ETV6: variants seen among roughly 807,000 people sequenced by gnomAD.
ETV6 encodes ETS variant transcription factor 6, also known as transcription factor ETV6.
ETV6 carries 16 observed loss-of-function variants against 51.1 expected under a neutral mutation model. The ratio of observed to expected loss-of-function variants is 0.31; its 90% CI spans 0.21 to 0.48. The LOEUF is 0.48. Among genes scored for constraint, ETV6 ranks in the 20% least tolerant of loss-of-function variants. The pLI, the probability that ETV6 is intolerant of heterozygous loss-of-function variation, is 0.99. For missense variants in ETV6, 458 were observed against 594.8 expected (o/e 0.77, Z 2.39); for synonymous variants, 240 against 224.1 (o/e 1.07, Z -0.64).
intron 2 of ETV6, among the ~76,000 whole-genome samples, chr12:11,789,936 G>C (rs1945555774): frequency 6.6e-6 from 1 of 152,002 alleles, no homozygotes; most frequent in Non-Finnish European, 1.5e-5. Flanking sequence ...TTTCAATCTG[G>C]ATATTCATTT....
At chr12:11,669,417 C>CCCTTCCTTT in intron 1 of ETV6, among the ~76,000 whole-genome samples, 1 of 146,586 alleles carries the variant, frequency 6.8e-6, no homozygotes, top group African/African-American at 2.5e-5. Flanking sequence ...CTCCCTTCCT[C>CCCTTCCTTT]CTTCCTTTCT....
intron 2 of ETV6, among the ~76,000 whole-genome samples, chr12:11,818,014 C>T (rs369024896): frequency 6.6e-5 from 10 of 152,000 alleles, no homozygotes; most frequent in East Asian, 5.8e-4. Context: ...TGCAGACAGA[C>T]GAAGCAAGTG....
chr12:11,857,922 AAGATAAGACAT>A (rs1946655940), intron 4 of ETV6, among the ~76,000 whole-genome samples: 1 of 152,228 alleles, frequency 6.6e-6, no homozygotes, highest in African/African-American at 2.4e-5. Context: ...GGGTGATATG[AAGATAAGACAT>A]ATTCCCTTCC....
Position 11,872,947 on chromosome 12 carries a change from T to C in ETV6, c.1009+2978T>C, listed in dbSNP as rs12308261. On this transcript the variant is annotated intron_variant, in intron 5 of 7. Coordinates refer to ENST00000396373, the MANE Select transcript of ETV6 (RefSeq NM_001987.5). The stretch of plus-strand genomic sequence containing the variant: ...CCGCTCTCTCAAGGGCACACAGAAA[T>C]AGGCAATATGTGCTTTTCTTGATGG... Among the ~76,000 whole-genome samples, 1,320 of 152,216 alleles carry C rather than the reference T, an allele frequency of 8.7e-3. 16 individuals carry two copies. The highest frequency in any genetic ancestry group is 0.03 in the African/African-American group (1,240 of 41,518).
In ETV6 at chr12:11,702,734, G is replaced by A. The variant is rs184077151; in HGVS notation, c.34-49716G>A. Among the ~76,000 whole-genome samples the A allele has an allele frequency of 4.6e-5, 7 of 152,212 alleles. No homozygotes were observed. The East Asian group carries it at 5.8e-4, about 13-fold the overall frequency. On this transcript the variant is annotated intron_variant, in intron 1 of 7. Coordinates refer to ENST00000396373, the MANE Select transcript of ETV6 (RefSeq NM_001987.5). ...AAGGGCTTACCAGGAAGACATAGTCGTTGTTCATATGCAGTTTCTATTCTG... is the reference window on the plus strand; with the variant it reads ...AAGGGCTTACCAGGAAGACATAGTCATTGTTCATATGCAGTTTCTATTCTG...
chr12:11,765,638 T>G (rs1945151200), intron 2 of ETV6, among the ~76,000 whole-genome samples: 1 of 150,016 alleles, frequency 6.7e-6, no homozygotes, highest in Non-Finnish European at 1.5e-5. Flanking sequence ...TCTGAGAGAT[T>G]AATTTTTGTA....
chr12:11,721,422 G>A (rs556869606), intron 1 of ETV6, among the ~76,000 whole-genome samples: 1 of 152,256 alleles, frequency 6.6e-6, no homozygotes, highest in Admixed American at 6.5e-5. Flanking sequence ...TAGCAACATG[G>A]GTAACCATGT....
chr12:11,764,786 C>T (rs942365706), intron 2 of ETV6, among the ~76,000 whole-genome samples: 8 of 152,158 alleles, frequency 5.3e-5, no homozygotes, highest in Non-Finnish European at 1.5e-5. Context: ...GGAATAATAA[C>T]TTCCATTTAT....
chr12:11,780,528 G>C (rs1945398805), intron 2 of ETV6, among the ~76,000 whole-genome samples: 1 of 152,220 alleles, frequency 6.6e-6, no homozygotes, highest in South Asian at 2.1e-4. Flanking sequence ...GAAGCAAAAG[G>C]ATACTTGGCA....
intron 7 of ETV6, among the ~76,000 whole-genome samples, chr12:11,886,619 G>A (rs988033561): frequency 2.6e-5 from 4 of 152,144 alleles, no homozygotes; most frequent in Non-Finnish European, 5.9e-5. Flanking sequence ...TTCTTATAAT[G>A]CATCGTAGTC....
intron 1 of ETV6, among the ~76,000 whole-genome samples, chr12:11,660,598 C>CA (rs3983865): frequency 0.35 from 36,717 of 106,398 alleles, 7,254 homozygotes; most frequent in East Asian, 0.54. Flanking sequence ...GACTCTGTCT[C>CA]AAAAAAAAAA....
At chr12:11,755,699 A>C (rs1944997552) in intron 2 of ETV6, among the ~76,000 whole-genome samples, 1 of 152,216 alleles carries the variant, frequency 6.6e-6, no homozygotes, top group Non-Finnish European at 1.5e-5. Context: ...TTGCTGTTTT[A>C]ATCTGGGATT....
intron 2 of ETV6, among the ~76,000 whole-genome samples, chr12:11,753,498 C>T (rs1866079112): frequency 6.6e-6 from 1 of 152,206 alleles, no homozygotes. Context: ...TTATAGAGGA[C>T]ACTTGAGGTC....
In ETV6 at chr12:11,838,791, T is replaced by G. The variant is rs115128944; in HGVS notation, c.164-349T>G. 7.0e-3 allele frequency among the ~76,000 whole-genome samples: 1,070 copies of G among 152,346 alleles called. 10 individuals are homozygous for G. The highest frequency in any genetic ancestry group is 0.024 in the African/African-American group (1,007 of 41,580). ...GGCACCCTGGAACAGCCCCTGGAAC[T>G]GGGCAAGGAAGGGCAGGTCTCTAAG... On this transcript the variant is annotated intron_variant, in intron 2 of 7. Transcript: ENST00000396373.
intron 1 of ETV6, among the ~76,000 whole-genome samples, chr12:11,659,349 G>T (rs1864057397): frequency 6.6e-6 from 1 of 152,054 alleles, no homozygotes; most frequent in African/African-American, 2.4e-5. Context: ...CTTTTTTGAG[G>T]AATTGTGGAG....
chr12:11,662,944 A>G (rs1384876999), intron 1 of ETV6, among the ~76,000 whole-genome samples: 1 of 152,190 alleles, frequency 6.6e-6, no homozygotes, highest in Non-Finnish European at 1.5e-5. Flanking sequence ...CTTGCTGCAC[A>G]CCAGCCAGGG....
chr12:11,848,487 C>T (rs746272458), intron 3 of ETV6, among the ~76,000 whole-genome samples: 2 of 152,254 alleles, frequency 1.3e-5, no homozygotes, highest in Non-Finnish European at 2.9e-5. Context: ...ATTGTTCACT[C>T]GCTCTCTCCT....
chr12:11,761,020 C>G (rs947430170), intron 2 of ETV6, among the ~76,000 whole-genome samples: 8 of 151,906 alleles, frequency 5.3e-5, no homozygotes, highest in African/African-American at 1.9e-4. Context: ...GATATTATAC[C>G]TGAGGCTCAG....
At chr12:11,744,362 A>C (rs754045477) in intron 1 of ETV6, among the ~76,000 whole-genome samples, 2 of 152,210 alleles carry the variant, frequency 1.3e-5, no homozygotes, top group African/African-American at 2.4e-5. Context: ...CCCAGGATAC[A>C]AGCTGCTGTT....
Sources: gnomAD v4.1 joint callset for allele counts (sites outside exome capture counted in the v4.1 genomes callset) on GRCh38, gnomAD v4.1.1 for gene constraint, MANE v1.5 for transcripts, NCBI Gene and HGNC (gene_info 2026-07-23, HGNC 2026-07-21) for gene names.